EFHB: variants seen among roughly 807,000 people sequenced by gnomAD.
The protein encoded by EFHB is EF-hand domain-containing family member B.
Under a neutral mutation model 87.2 loss-of-function variants are expected in EFHB, and 91 were observed. That is an observed-to-expected ratio of 1.04 (90% CI 0.88 to 1.24). The LOEUF (loss-of-function observed/expected upper bound fraction) is 1.24, where lower values mean the gene tolerates loss of function less well. Among genes scored for constraint, EFHB ranks in the 50% most tolerant of loss-of-function variants. EFHB has a pLI of 0.00. For missense variants in EFHB, 1,084 were observed against 998.8 expected, an observed-to-expected ratio of 1.09 and a Z score of -1.15; for synonymous variants, 325 against 333.6, an observed-to-expected ratio of 0.97 and a Z score of 0.28.
At chr3:19,907,577 C>T (rs537127521) in intron 5 of EFHB, among the ~76,000 whole-genome samples, 1 of 152,246 alleles carries the variant, frequency 6.6e-6, no homozygotes, top group Non-Finnish European at 1.5e-5. Flanking sequence ...CAGAACATTG[C>T]GACCCTCATA....
At chr3:19,897,290 G>A (rs1484666111) in intron 8 of EFHB, among the ~76,000 whole-genome samples, 1 of 152,182 alleles carries the variant, frequency 6.6e-6, no homozygotes, top group Non-Finnish European at 1.5e-5. Context: ...CCTCTCCTAT[G>A]TGAGTTTCCA....
intron 11 of EFHB, among the ~76,000 whole-genome samples, chr3:19,883,642 C>T (rs114327419): frequency 6.6e-6 from 1 of 152,078 alleles, no homozygotes; most frequent in South Asian, 2.1e-4. Flanking sequence ...GAAATAAGGT[C>T]TTTTCAGGTA....
At chr3:19,900,787 G>C (rs1694643814) in intron 6 of EFHB, among the ~76,000 whole-genome samples, 1 of 152,068 alleles carries the variant, frequency 6.6e-6, no homozygotes, top group Non-Finnish European at 1.5e-5. Context: ...AAATTAGCCA[G>C]GTGTGGTGGA....
At chr3:19,901,864 C>G (rs1027502078) in intron 6 of EFHB, among the ~76,000 whole-genome samples, 5 of 151,600 alleles carry the variant, frequency 3.3e-5, no homozygotes, top group African/African-American at 1.2e-4. Context: ...GCAGGAGAAT[C>G]GCTTGAACCC....
chr3:19,919,750 T>G (rs999859866), intron 3 of EFHB, 83 bp downstream of exon 3: 80 of 1,352,712 alleles, frequency 5.9e-5, no homozygotes, highest in African/African-American at 1.3e-4. Flanking sequence ...AGATTGGAAC[T>G]GATGAATTTC....
intron 10 of EFHB, among the ~76,000 whole-genome samples, chr3:19,887,637 C>T (rs968078550): frequency 6.6e-6 from 1 of 152,066 alleles, no homozygotes; most frequent in African/African-American, 2.4e-5. Context: ...ACACTAAGGA[C>T]AGCTGATGAG....
chr3:19,920,104 C>T (rs1695386122), intron 2 of EFHB, 128 bp from the exon 3 acceptor site: 2 of 947,966 alleles, frequency 2.1e-6, no homozygotes, highest in South Asian at 4.0e-5. Context: ...AACTACAGCC[C>T]CAAATAATGA....
intron 9 of EFHB, among the ~76,000 whole-genome samples, chr3:19,892,605 A>T (rs911311177): frequency 1.3e-5 from 2 of 152,160 alleles, no homozygotes; most frequent in Non-Finnish European, 2.9e-5. Context: ...GTTCAAATTT[A>T]ATTCTATTTC....
chr3:19,901,927 G>A (rs1250095072), intron 6 of EFHB, among the ~76,000 whole-genome samples: 1 of 150,920 alleles, frequency 6.6e-6, no homozygotes, highest in African/African-American at 2.4e-5. Flanking sequence ...TCCAGCCTGG[G>A]CAACAGAGTG....
chr3:19,946,529 G>A (rs966079415), intron 1 of EFHB, among the ~76,000 whole-genome samples: 1 of 152,174 alleles, frequency 6.6e-6, no homozygotes, highest in Non-Finnish European at 1.5e-5. Flanking sequence ...CCAAAACCAC[G>A]TAAACTCTTA....
chr3:19,903,238 C>G (rs1694731579), intron 6 of EFHB, among the ~76,000 whole-genome samples: 2 of 151,786 alleles, frequency 1.3e-5, no homozygotes, highest in African/African-American at 4.8e-5. Context: ...ACAGTGTCCT[C>G]TTGGGAGTAG....
chr3:19,897,386 T>G (rs184117908), intron 8 of EFHB, among the ~76,000 whole-genome samples: 1 of 152,262 alleles, frequency 6.6e-6, no homozygotes, highest in East Asian at 1.9e-4. Flanking sequence ...CCTGCCTCCC[T>G]TCACGGCTCC....
chr3:19,921,489 CT>C (rs1695433911), intron 1 of EFHB, among the ~76,000 whole-genome samples: 6 of 151,930 alleles, frequency 3.9e-5, no homozygotes. Context: ...GGCAAAACAA[CT>C]TCTGATTAGA....
intron 8 of EFHB, among the ~76,000 whole-genome samples, chr3:19,897,049 C>T (rs1258753642): frequency 6.6e-6 from 1 of 152,060 alleles, no homozygotes; most frequent in Non-Finnish European, 1.5e-5. Context: ...TTTATGTTAC[C>T]TCTCTGCTCA....
intron 5 of EFHB, among the ~76,000 whole-genome samples, chr3:19,908,594 G>GAAAAAGAA (rs1300095448): frequency 1.1e-5 from 1 of 91,354 alleles, no homozygotes; most frequent in South Asian, 3.8e-4. Context: ...GAGAGAGAGA[G>GAAAAAGAA]AGAGAGAAAG....
At chr3:19,905,286 A>G (rs1174073506) in intron 6 of EFHB, among the ~76,000 whole-genome samples, 6 of 152,160 alleles carry the variant, frequency 3.9e-5, no homozygotes, top group Admixed American at 3.3e-4. Context: ...GTCAATTACA[A>G]TTGTCTTGGT....
intron 1 of EFHB, among the ~76,000 whole-genome samples, chr3:19,922,058 G>A (rs1257868203): frequency 1.3e-5 from 2 of 152,028 alleles, no homozygotes; most frequent in African/African-American, 2.4e-5. Flanking sequence ...CCAGCTACTC[G>A]GGAAGCTGAG....
chr3:19,891,858 A>AAAG (rs750508044), intron 9 of EFHB, among the ~76,000 whole-genome samples: 69 of 152,280 alleles, frequency 4.5e-4, no homozygotes, highest in Admixed American at 9.8e-4. Context: ...AGCACAAGGT[A>AAAG]AAGAACTCCA....
intron 6 of EFHB, among the ~76,000 whole-genome samples, chr3:19,900,578 C>T (rs1363398733): frequency 2.0e-5 from 3 of 152,074 alleles, no homozygotes; most frequent in Non-Finnish European, 4.4e-5. Flanking sequence ...ACACTCATGC[C>T]CTTTTATCCA....
Sources: gnomAD v4.1 joint callset for allele counts (sites outside exome capture counted in the v4.1 genomes callset) on GRCh38, gnomAD v4.1.1 for gene constraint, MANE v1.5 for transcripts, NCBI Gene and HGNC (gene_info 2026-07-23, HGNC 2026-07-21) for gene names.